RORA: variants seen among roughly 807,000 people sequenced by gnomAD.
RORA encodes RAR related orphan receptor A, also known as nuclear receptor ROR-alpha.
A neutral mutation model predicts 69.5 loss-of-function variants in RORA; 7 were observed. The observed-to-expected ratio is 0.10, with a 90% CI of 0.06 to 0.19. The LOEUF (loss-of-function observed/expected upper bound fraction) is 0.19. Ranked by LOEUF, RORA falls within the 10% of genes least tolerant of loss-of-function variation. RORA has a pLI of 1.00. For missense variants in RORA, 457 were observed against 663.0 expected, an observed-to-expected ratio of 0.69 and a Z score of 3.41; for synonymous variants, 261 against 240.8, an observed-to-expected ratio of 1.08 and a Z score of -0.78.
At chr15:60,627,578 CAAT>C in intron 2 of RORA, 2 of 1,268,160 alleles carry the variant, frequency 1.6e-6, no homozygotes, top group Non-Finnish European at 1.0e-6. Context: ...GAGGTACTTA[CAAT>C]TCTCCCATAA....
intron 1 of RORA, among the ~76,000 whole-genome samples, chr15:61,177,914 A>G (rs1220368097): frequency 6.6e-6 from 1 of 151,670 alleles, no homozygotes; most frequent in Admixed American, 6.6e-5. Flanking sequence ...GTGAGCCGAG[A>G]TTGCACCACT....
intron 1 of RORA, among the ~76,000 whole-genome samples, chr15:60,915,391 G>T (rs76858695): frequency 0.013 from 1,993 of 152,288 alleles, 42 homozygotes; most frequent in African/African-American, 0.045. Context: ...GATTCCACTG[G>T]GGGGGCACAG....
At chr15:61,175,814 C>T (rs188576350) in intron 1 of RORA, among the ~76,000 whole-genome samples, 2 of 152,270 alleles carry the variant, frequency 1.3e-5, no homozygotes, top group Admixed American at 1.3e-4. Context: ...AAGTCTCAGA[C>T]CCATATTTCT....
chr15:60,681,850 T>C (rs1468088923), intron 1 of RORA: 4 of 152,200 alleles, frequency 2.6e-5, no homozygotes, highest in African/African-American at 4.8e-5. Context: ...AAAAATCGTA[T>C]GCAAACCTAG....
At chr15:60,930,535 A>T (rs2140499542) in intron 1 of RORA, among the ~76,000 whole-genome samples, 1 of 152,310 alleles carries the variant, frequency 6.6e-6, no homozygotes, top group South Asian at 2.1e-4. Flanking sequence ...TATAGATGCA[A>T]AGTGCCAGGA....
intron 1 of RORA, among the ~76,000 whole-genome samples, chr15:60,892,036 C>T (rs1289140673): frequency 1.3e-5 from 2 of 152,164 alleles, no homozygotes; most frequent in African/African-American, 2.4e-5. Context: ...CTGTTTGGGG[C>T]AGGCGCTGTG....
At chr15:61,027,832 A>G (rs577686252) in intron 1 of RORA, among the ~76,000 whole-genome samples, 5 of 152,310 alleles carry the variant, frequency 3.3e-5, no homozygotes, top group South Asian at 4.1e-4. Context: ...CAGTTTACCA[A>G]TCTGCAAAAT....
intron 2 of RORA, among the ~76,000 whole-genome samples, chr15:60,632,998 T>C (rs1223611746): frequency 6.6e-6 from 1 of 152,234 alleles, no homozygotes; most frequent in South Asian, 2.1e-4. Flanking sequence ...TTACCATTAA[T>C]TCATAAAAGA....
chr15:60,944,084 A>C (rs529907154), intron 1 of RORA, among the ~76,000 whole-genome samples: 1 of 152,082 alleles, frequency 6.6e-6, no homozygotes, highest in Non-Finnish European at 1.5e-5. Context: ...AATCACACAT[A>C]TGCTCTCATA....
chr15:60,931,693 C>G (rs1892377772), intron 1 of RORA, among the ~76,000 whole-genome samples: 1 of 152,214 alleles, frequency 6.6e-6, no homozygotes, highest in Non-Finnish European at 1.5e-5. Context: ...AGGCCACCAG[C>G]CACTGTGAGG....
chr15:61,089,998 T>C (rs1239404451), intron 1 of RORA, among the ~76,000 whole-genome samples: 1 of 152,224 alleles, frequency 6.6e-6, no homozygotes, highest in Non-Finnish European at 1.5e-5. Context: ...ATTCACTCTA[T>C]CTCTAGCCCC....
At chr15:60,925,608 G>C (rs575679931) in intron 1 of RORA, among the ~76,000 whole-genome samples, 5 of 152,336 alleles carry the variant, frequency 3.3e-5, no homozygotes, top group African/African-American at 1.2e-4. Flanking sequence ...CAGCCCCACA[G>C]CTCACTCAGA....
intron 3 of RORA, chr15:60,529,382 A>G (rs7167505): frequency 6.0e-4 from 92 of 152,354 alleles, no homozygotes; most frequent in African/African-American, 2.2e-3. Flanking sequence ...ATAACTAGGA[A>G]TAAAAGTGTT....
intron 1 of RORA, among the ~76,000 whole-genome samples, chr15:60,733,402 C>T (rs1316972340): frequency 2.0e-5 from 3 of 152,244 alleles, no homozygotes; most frequent in African/African-American, 4.8e-5. Flanking sequence ...GCAGTTTTTG[C>T]GTGGGCTGAG....
intron 3 of RORA, among the ~76,000 whole-genome samples, chr15:60,515,472 T>A (rs1282447663): frequency 6.6e-6 from 1 of 152,186 alleles, no homozygotes; most frequent in African/African-American, 2.4e-5. Context: ...TGAGAGGGGA[T>A]ACAAAGATGT....
chr15:61,099,740 G>A (rs566513019), intron 1 of RORA, among the ~76,000 whole-genome samples: 1 of 152,264 alleles, frequency 6.6e-6, no homozygotes, highest in African/African-American at 2.4e-5. Context: ...TTGAGGAAAC[G>A]CTCTTTTTAA....
At chr15:60,749,098 G>A (rs766033809) in intron 1 of RORA, among the ~76,000 whole-genome samples, 3 of 152,120 alleles carry the variant, frequency 2.0e-5, no homozygotes, top group Non-Finnish European at 4.4e-5. Context: ...TATGAGCAGT[G>A]GTCTTTCCCC....
intron 1 of RORA, among the ~76,000 whole-genome samples, chr15:60,983,325 G>A (rs28545359): frequency 0.21 from 32,417 of 152,132 alleles, 3,694 homozygotes; most frequent in African/African-American, 0.27. Context: ...CTAGTATAGC[G>A]TCACATGACA....
chr15:61,053,455 G>A (rs750150454), intron 1 of RORA, among the ~76,000 whole-genome samples: 9 of 152,066 alleles, frequency 5.9e-5, no homozygotes, highest in African/African-American at 9.7e-5. Context: ...AAAGCTCAGC[G>A]AGAAGGCACG....
Sources: gnomAD v4.1 joint callset for allele counts (sites outside exome capture counted in the v4.1 genomes callset) on GRCh38, gnomAD v4.1.1 for gene constraint, MANE v1.5 for transcripts, NCBI Gene and HGNC (gene_info 2026-07-23, HGNC 2026-07-21) for gene names.